TIMD4: variants seen among roughly 807,000 people sequenced by gnomAD.
TIMD4 encodes T-cell immunoglobulin and mucin domain-containing protein 4.
TIMD4 carries 31 observed loss-of-function variants against 41.2 expected under a neutral mutation model. The ratio of observed to expected loss-of-function variants is 0.75; its 90% CI spans 0.57 to 1.01. The LOEUF is 1.01. Among genes scored for constraint, TIMD4 ranks in the 50% least tolerant of loss-of-function variants. TIMD4 has a pLI of 0.00. For missense variants in TIMD4, 479 were observed against 472.5 expected (o/e 1.01, Z -0.13); for synonymous variants, 204 against 177.1 (o/e 1.15, Z -1.21).
chr5:156,938,599 G>A (rs190002003), intron 5 of TIMD4, among the ~76,000 whole-genome samples: 2 of 151,976 alleles, frequency 1.3e-5, no homozygotes, highest in East Asian at 1.9e-4. Flanking sequence ...TTATCTCCAC[G>A]TCTAGATCAA....
intron 5 of TIMD4, among the ~76,000 whole-genome samples, chr5:156,927,004 G>A (rs1021117944): frequency 2.0e-5 from 3 of 152,270 alleles, no homozygotes; most frequent in Non-Finnish European, 2.9e-5. Flanking sequence ...GTGAGACTGC[G>A]GCATGGCCCC....
At chr5:156,934,399 G>A (rs750528523) in intron 5 of TIMD4, among the ~76,000 whole-genome samples, 7 of 152,126 alleles carry the variant, frequency 4.6e-5, no homozygotes, top group Non-Finnish European at 1.0e-4. Context: ...GGGACTACAA[G>A]TGTGTGCCAC....
chr5:156,925,329 C>T (rs1296496394), intron 6 of TIMD4, among the ~76,000 whole-genome samples: 2 of 152,086 alleles, frequency 1.3e-5, no homozygotes, highest in African/African-American at 4.8e-5. Context: ...AGAACTGCTG[C>T]TCTGCAGGCA....
intron 5 of TIMD4, among the ~76,000 whole-genome samples, chr5:156,938,535 C>T (rs1349317624): frequency 3.9e-5 from 6 of 152,308 alleles, no homozygotes; most frequent in African/African-American, 7.2e-5. Flanking sequence ...GAGGTCAACA[C>T]GAGATCTGAT....
intron 5 of TIMD4, among the ~76,000 whole-genome samples, chr5:156,948,203 G>C (rs1160423577): frequency 6.6e-6 from 1 of 151,928 alleles, no homozygotes; most frequent in Non-Finnish European, 1.5e-5. Flanking sequence ...AGCCACTCAT[G>C]AGAACACAGC....
chr5:156,952,458 C>G (rs568886913), intron 2 of TIMD4, among the ~76,000 whole-genome samples: 59 of 152,184 alleles, frequency 3.9e-4, no homozygotes, highest in African/African-American at 1.4e-3. Context: ...TATCTCCACC[C>G]GCCCCCGCTA....
intron 6 of TIMD4, among the ~76,000 whole-genome samples, chr5:156,925,002 AAAAG>A (rs1053200263): frequency 4.6e-5 from 7 of 152,076 alleles, no homozygotes; most frequent in East Asian, 1.9e-4. Context: ...TAAAAAAAGA[AAAAG>A]AGAGAGAGAG....
In TIMD4 at chr5:156,963,152, C is replaced by T. The variant is rs1258230249; in HGVS notation, c.47G>A (p.Trp16Ter). Residue 16 changes from tryptophan to a stop codon, truncating the protein, a stop_gained, in exon 1 of 9, where the codon TGG (tryptophan) becomes TAG (stop). Coordinates refer to ENST00000274532, the MANE Select transcript of TIMD4 (RefSeq NM_138379.3). LOFTEE classifies it high-confidence loss of function. ...LILWLMIEFWWLYLTPVTSET... is the reference protein window; with the variant it reads ...LILWLMIEFW ...TTCAGAACACTTACTCAGGTAAAGCCACCAAAACTCAATCATCAGCCAGAG... is the reference window on the plus strand; with the variant it reads ...TTCAGAACACTTACTCAGGTAAAGCTACCAAAACTCAATCATCAGCCAGAG... The T allele has an allele frequency of 1.2e-6, 2 of 1,614,116 alleles. No homozygotes were observed. The highest frequency in any genetic ancestry group is 1.7e-4 in the Middle Eastern group (1 of 6,060).
intron 2 of TIMD4, among the ~76,000 whole-genome samples, chr5:156,952,539 C>A (rs1759882925): frequency 6.6e-6 from 1 of 152,110 alleles, no homozygotes; most frequent in Admixed American, 6.5e-5. Flanking sequence ...GCTGCACGAA[C>A]CTTTGTACCT....
At chr5:156,945,046 G>A (rs1011243378) in intron 5 of TIMD4, among the ~76,000 whole-genome samples, 2 of 152,184 alleles carry the variant, frequency 1.3e-5, no homozygotes, top group African/African-American at 4.8e-5. Flanking sequence ...AAATGGAGAG[G>A]GAATTGTGGA....
chr5:156,926,370 A>C (rs1759347894), intron 5 of TIMD4, 58 bp from the exon 6 acceptor site: 4 of 1,559,534 alleles, frequency 2.6e-6, no homozygotes, highest in South Asian at 2.2e-5. Flanking sequence ...AAAATATCAC[A>C]TCCTGAAATA....
intron 8 of TIMD4, among the ~76,000 whole-genome samples, 197 bp downstream of exon 8, chr5:156,920,267 T>C (rs142325827): frequency 1.2e-3 from 186 of 152,344 alleles, no homozygotes; most frequent in African/African-American, 4.3e-3. Context: ...GGTACTGGCA[T>C]TTTGCTCAGA....
rs893409205 is a variant in TIMD4, at chr5:156,957,519, A to AAAAAAAAAG, written c.59-2764_59-2763insCTTTTTTTT. 1.9e-4 allele frequency among the ~76,000 whole-genome samples: 29 copies of AAAAAAAAAG among 150,742 alleles called. No homozygotes were observed. The South Asian group carries it at 2.1e-3, about 11-fold the overall frequency. ...CAGAGCGAGAGTCTATCTCAAAAAA[A>AAAAAAAAAG]AAAAAGAAAAAAGAAAAAGAAAAAA... On this transcript the variant is annotated intron_variant, in intron 1 of 8. Transcript: ENST00000274532.
At chr5:156,943,895 C>CA (rs70984420) in intron 5 of TIMD4, among the ~76,000 whole-genome samples, 8,237 of 127,554 alleles carry the variant, frequency 0.065, 270 homozygotes, top group Non-Finnish European at 0.08. Flanking sequence ...ACTAAAAATA[C>CA]AAAAAAAAAA....
rs1759215399 is a variant in TIMD4 at position 156,920,469 on chromosome 5, G to A, written c.1047C>T (p.His349=). ...ATTCATGCAAGATAGATTACCTTGT[G>A]TGTTTCTGCGAACAATAGGTTTCCA... ...KLMETYCSQK[H]TRLDYIGDSK... The change falls in exon 8 of 9, where the codon CAC becomes CAT. Residue 349 remains histidine (H), a synonymous_variant. Transcript: ENST00000274532. The A allele has an allele frequency of 6.2e-7, 1 of 1,613,942 alleles. No homozygotes were observed. The highest frequency in any genetic ancestry group is 1.3e-5 in the African/African-American group (1 of 74,928).
At chr5:156,930,618 G>A (rs1405116103) in intron 5 of TIMD4, among the ~76,000 whole-genome samples, 1 of 152,086 alleles carries the variant, frequency 6.6e-6, no homozygotes, top group Non-Finnish European at 1.5e-5. Flanking sequence ...CTGGCTGTGG[G>A]GAAAATGACA....
At chr5:156,928,685 A>G (rs966094633) in intron 5 of TIMD4, among the ~76,000 whole-genome samples, 1 of 152,228 alleles carries the variant, frequency 6.6e-6, no homozygotes, top group Non-Finnish European at 1.5e-5. Context: ...TTGGTATCAG[A>G]GAGCTGATTT....
rs1208258395 is a variant in TIMD4 at position 156,920,338 on chromosome 5, T to A, written c.1052+126A>T. 4.6e-6 allele frequency: 5 copies of A among 1,077,302 alleles called. No homozygotes were observed. In the East Asian group the frequency reaches 9.7e-5, roughly 21 times the overall value. 66.7% of individuals were successfully genotyped at this position (1,077,302 alleles called of 1,614,324 possible). On this transcript the variant is annotated intron_variant, in intron 8 of 8. Coordinates refer to ENST00000274532, the MANE Select transcript of TIMD4 (RefSeq NM_138379.3). ...CTGCACAACTTTTTCACTTCTAATG[T>A]CACATCTTTCCAACTCTATGTGTAA...
chr5:156,959,902 C>G (rs968934785), intron 1 of TIMD4, among the ~76,000 whole-genome samples: 17 of 151,850 alleles, frequency 1.1e-4, no homozygotes, highest in Admixed American at 4.6e-4. Context: ...AATTAGCCAG[C>G]TGTGGTGGCG....
Sources: gnomAD v4.1 joint callset for allele counts (sites outside exome capture counted in the v4.1 genomes callset) on GRCh38, gnomAD v4.1.1 for gene constraint, MANE v1.5 for transcripts, NCBI Gene and HGNC (gene_info 2026-07-23, HGNC 2026-07-21) for gene names.